Variants in STX18 observed in about 807,000 individuals in gnomAD.
STX18 encodes the protein syntaxin 18.
Under a neutral mutation model 50.1 loss-of-function variants are expected in STX18, and 40 were observed. The ratio of observed to expected loss-of-function variants is 0.80; its 90% CI spans 0.62 to 1.04. The LOEUF (loss-of-function observed/expected upper bound fraction) is 1.04. STX18 is among the 50% of genes least tolerant of loss of function. STX18 has a pLI of 0.00. For synonymous variants in STX18, 158 were observed against 151.8 expected, an observed-to-expected ratio of 1.04 and a Z score of -0.30; for missense variants, 410 against 415.8, an observed-to-expected ratio of 0.99 and a Z score of 0.12.
At chr4:4,462,020 G>C in intron 2 of STX18, 1 of 455,834 alleles carries the variant, frequency 2.2e-6, no homozygotes, top group South Asian at 1.5e-5. Context: ...ATGCCTGAGT[G>C]TGTCTAATTC....
intron 1 of STX18, among the ~76,000 whole-genome samples, chr4:4,496,748 T>C (rs1444207430): frequency 1.3e-5 from 2 of 152,218 alleles, no homozygotes; most frequent in South Asian, 4.1e-4. Context: ...TGTCTCACCA[T>C]GAGTTTGGAG....
chr4:4,533,927 C>A (rs1330682349), intron 1 of STX18, among the ~76,000 whole-genome samples: 1 of 152,120 alleles, frequency 6.6e-6, no homozygotes, highest in Non-Finnish European at 1.5e-5. Context: ...ATCATTAACC[C>A]CAAGATGAGT....
chr4:4,527,131 T>C (rs1730806998), intron 1 of STX18, among the ~76,000 whole-genome samples: 1 of 152,198 alleles, frequency 6.6e-6, no homozygotes, highest in African/African-American at 2.4e-5. Context: ...CCTATTTATA[T>C]ATATTTTCTT....
chr4:4,446,123 T>A (rs1189973377), intron 5 of STX18, among the ~76,000 whole-genome samples: 2 of 150,702 alleles, frequency 1.3e-5, no homozygotes, highest in African/African-American at 2.5e-5. Flanking sequence ...TAGATATTTA[T>A]ATACAATAAA....
chr4:4,495,650 C>T (rs1186383353), intron 1 of STX18, among the ~76,000 whole-genome samples: 1 of 150,952 alleles, frequency 6.6e-6, no homozygotes, highest in African/African-American at 2.4e-5. Context: ...ATCCTCCTGC[C>T]TTGGCTTGCT....
rs1023984251 is a variant in STX18 at position 4,454,714 on chromosome 4, T to C, written c.497+2477A>G. The stretch of plus-strand genomic sequence containing the variant: ...CTTTTGACAGCCAACACAAACCCCA[T>C]TGCTTGAGAAATCTGCTCCAATTAC... On this transcript the variant is annotated intron_variant, in intron 5 of 10. Coordinates refer to ENST00000306200, the MANE Select transcript of STX18 (RefSeq NM_016930.4). 4.4e-4 allele frequency among the ~76,000 whole-genome samples: 67 copies of C among 152,304 alleles called. 1 individual carries two copies. Among genetic ancestry groups the C allele is most frequent in the African/African-American group, 1.6e-3 (66 of 41,576 alleles).
intron 1 of STX18, among the ~76,000 whole-genome samples, chr4:4,475,622 C>T (rs1728138151): frequency 6.6e-6 from 1 of 152,188 alleles, no homozygotes. Context: ...CTACCATTAA[C>T]TTTATAAAGA....
At chr4:4,501,153 T>G (rs1729439468) in intron 1 of STX18, among the ~76,000 whole-genome samples, 1 of 152,246 alleles carries the variant, frequency 6.6e-6, no homozygotes, top group South Asian at 2.1e-4. Flanking sequence ...GTAATGAACA[T>G]CTTTTTGCTA....
At chr4:4,533,817 GA>G (rs1050819811) in intron 1 of STX18, among the ~76,000 whole-genome samples, 3 of 152,216 alleles carry the variant, frequency 2.0e-5, no homozygotes, top group Non-Finnish European at 4.4e-5. Flanking sequence ...CAAAAGTGAG[GA>G]AAGAGGGAAC....
chr4:4,484,079 G>A (rs947965508), intron 1 of STX18, among the ~76,000 whole-genome samples: 1 of 152,102 alleles, frequency 6.6e-6, no homozygotes. Context: ...AGCCAGGATG[G>A]TCTTGATCTC....
intron 5 of STX18, among the ~76,000 whole-genome samples, chr4:4,444,505 A>C (rs1226588168): frequency 2.0e-5 from 3 of 152,220 alleles, no homozygotes; most frequent in African/African-American, 7.2e-5. Flanking sequence ...ACATGGTGAC[A>C]CAGGTATTGG....
chr4:4,463,370 T>C (rs1334388339), intron 2 of STX18, among the ~76,000 whole-genome samples: 1 of 152,230 alleles, frequency 6.6e-6, no homozygotes, highest in Non-Finnish European at 1.5e-5. Context: ...CTTATTACTT[T>C]TTCCCCAACA....
chr4:4,511,645 G>C (rs528696671), intron 1 of STX18, among the ~76,000 whole-genome samples: 5 of 151,572 alleles, frequency 3.3e-5, no homozygotes, highest in Non-Finnish European at 7.4e-5. Flanking sequence ...TACTAGGGCA[G>C]CTATAAACTG....
chr4:4,493,830 CCT>C (rs1191122658), intron 1 of STX18, among the ~76,000 whole-genome samples: 8 of 152,252 alleles, frequency 5.3e-5, no homozygotes, highest in South Asian at 2.1e-4. Flanking sequence ...TCTTCATTCC[CCT>C]CTGTTTTTAA....
intron 2 of STX18, among the ~76,000 whole-genome samples, 182 bp from the exon 3 acceptor site, chr4:4,459,669 T>G (rs1727274879): frequency 6.6e-6 from 1 of 152,002 alleles, no homozygotes; most frequent in African/African-American, 2.4e-5. Context: ...GTAGAACACA[T>G]ATGAAGGGTG....
At chr4:4,535,299 G>A (rs1731279178) in intron 1 of STX18, among the ~76,000 whole-genome samples, 1 of 152,092 alleles carries the variant, frequency 6.6e-6, no homozygotes, top group Non-Finnish European at 1.5e-5. Flanking sequence ...ATCAATTATT[G>A]AATAAATACA....
chr4:4,434,908 A>C (rs778479320), intron 6 of STX18, 50 bp from the exon 7 acceptor site: 4 of 1,324,232 alleles, frequency 3.0e-6, no homozygotes, highest in Non-Finnish European at 3.2e-6. Context: ...GTTTTAGAAT[A>C]GGCTGGCTTA....
chr4:4,511,738 GTGTGTGTGTGTGTGTGTGTGTGTA>G (rs1185203892), intron 1 of STX18, among the ~76,000 whole-genome samples: 1 of 150,704 alleles, frequency 6.6e-6, no homozygotes, highest in African/African-American at 2.5e-5. Context: ...GTGTGTGTGT[GTGTGTGTGTGTGTGTGTGTGTGTA>G]TGCCCCTAGG....
chr4:4,458,305 G>A (rs1314966553), intron 3 of STX18, among the ~76,000 whole-genome samples: 1 of 152,196 alleles, frequency 6.6e-6, no homozygotes, highest in Non-Finnish European at 1.5e-5. Context: ...CTCAATGAAT[G>A]TATATGCCCT....
Sources: gnomAD v4.1 joint callset for allele counts (sites outside exome capture counted in the v4.1 genomes callset) on GRCh38, gnomAD v4.1.1 for gene constraint, MANE v1.5 for transcripts, NCBI Gene and HGNC (gene_info 2026-07-23, HGNC 2026-07-21) for gene names.